MYOF: variants seen among roughly 807,000 people sequenced by gnomAD.
The protein encoded by MYOF is myoferlin.
Under a neutral mutation model 284.2 loss-of-function variants are expected in MYOF, and 244 were observed. That is an observed-to-expected ratio of 0.86 (90% CI 0.77 to 0.95). MYOF has a LOEUF of 0.95. Among genes scored for constraint, MYOF ranks in the 40% least tolerant of loss-of-function variants. The pLI is 0.00. For missense variants in MYOF, 2,496 were observed against 2,560.6 expected (o/e 0.97, Z 0.54); for synonymous variants, 904 against 919.7 (o/e 0.98, Z 0.31).
chr10:93,455,043 C>A (rs1213157486), intron 2 of MYOF, among the ~76,000 whole-genome samples: 6 of 142,130 alleles, frequency 4.2e-5, no homozygotes, highest in African/African-American at 1.6e-4. Context: ...TGCGTGTAAT[C>A]CCAGGACTTT....
At chr10:93,381,632 A>G (rs1053913203) in intron 19 of MYOF, among the ~76,000 whole-genome samples, 2 of 152,236 alleles carry the variant, frequency 1.3e-5, no homozygotes, top group African/African-American at 2.4e-5. Context: ...AAAACAGTAC[A>G]CAAGTCTTTC....
chr10:93,417,524 C>G (rs1051347991), intron 5 of MYOF, among the ~76,000 whole-genome samples: 4 of 152,120 alleles, frequency 2.6e-5, no homozygotes, highest in African/African-American at 4.8e-5. Context: ...GCATCCCCAA[C>G]TGTGCCTTTC....
chr10:93,400,617 T>C (rs1847239733), intron 12 of MYOF, among the ~76,000 whole-genome samples: 1 of 151,856 alleles, frequency 6.6e-6, no homozygotes. Flanking sequence ...TGCAGCCTCC[T>C]GGGGACTTGG....
intron 50 of MYOF, 149 bp from the exon 51 acceptor site, chr10:93,313,359 T>G (rs117442233): frequency 2.9e-6 from 2 of 678,004 alleles, no homozygotes; most frequent in South Asian, 6.2e-5. Flanking sequence ...CTGGTGGACA[T>G]TTAAAGTCTT....
chr10:93,350,742 C>T (rs542934634), intron 35 of MYOF, among the ~76,000 whole-genome samples: 30 of 152,252 alleles, frequency 2.0e-4, no homozygotes, highest in South Asian at 6.2e-4. Context: ...CTTGACTGGA[C>T]GGGGAAAGTC....
At chr10:93,326,227 T>C (rs944931089) in intron 45 of MYOF, among the ~76,000 whole-genome samples, 4 of 152,236 alleles carry the variant, frequency 2.6e-5, no homozygotes, top group Non-Finnish European at 1.5e-5. Context: ...GGGAGCGTTA[T>C]ATATTTACTT....
chr10:93,373,011 G>A lies in MYOF; in HGVS notation c.2376C>T (p.Pro792=), dbSNP rs371315608. 2.2e-5 allele frequency: 36 copies of A among 1,614,124 alleles called. No individual in the cohort carries two copies. Among genetic ancestry groups the A allele is most frequent in the South Asian group, 6.6e-5 (6 of 91,080 alleles). The change falls in exon 24 of 54, where the codon CCC becomes CCT. Residue 792 remains proline, a synonymous_variant. Coordinates refer to ENST00000359263, the MANE Select transcript of MYOF (RefSeq NM_013451.4). ...GEKRLAYARI[P]AHQVLYSTSG... is the part of the protein sequence containing the mutation. ...TGGTGGAGTACAAGACCTGATGTGC[G>A]GGAATTCGTGCATAGGCCAGTCTCT...
chr10:93,354,284 A>G (rs1432583555), intron 31 of MYOF, among the ~76,000 whole-genome samples: 2 of 152,176 alleles, frequency 1.3e-5, no homozygotes. Flanking sequence ...AGGCTGAGGC[A>G]CGAGAATCAC....
At chr10:93,307,618 C>G (rs1842175813) in intron 53 of MYOF, among the ~76,000 whole-genome samples, 1 of 147,590 alleles carries the variant, frequency 6.8e-6, no homozygotes, top group African/African-American at 2.5e-5. Flanking sequence ...TGGTTTAAAC[C>G]AATAGAATTT....
rs1242609040 is a variant in MYOF at position 93,482,136 on chromosome 10, G to C, written c.59C>G (p.Pro20Arg). The C allele has an allele frequency of 6.2e-7, 1 of 1,613,952 alleles. No individual in the cohort carries two copies. Among genetic ancestry groups the C allele is most frequent in the African/African-American group, 1.3e-5 (1 of 74,928 alleles). The change falls in exon 1 of 54, where the codon CCG becomes CGG. Residue 20 changes from proline (P) to arginine (R), a missense_variant. Around this residue, in one of 3 missense-constraint regions of MYOF, gnomAD observed 57 missense variants for 62.4 expected, o/e 0.91. Transcript: ENST00000359263. The part of the protein sequence containing the change: ...SNIPKTKFGK[P>R]DPIVSVIFKD... ...AAAAATGACAGAAACAATAGGATCC[G>C]GCTTGCCAAATTTCGTTTTAGGGAT...
At chr10:93,401,169 C>A (rs539088799) in intron 12 of MYOF, among the ~76,000 whole-genome samples, 34 of 152,170 alleles carry the variant, frequency 2.2e-4, no homozygotes, top group African/African-American at 8.0e-4. Flanking sequence ...TATAGAATAG[C>A]AAGAGAGAGA....
At chr10:93,431,331 C>A (rs1160128141) in intron 4 of MYOF, 77 bp downstream of exon 4, 1 of 1,294,414 alleles carries the variant, frequency 7.7e-7, no homozygotes, top group Non-Finnish European at 1.1e-6. Flanking sequence ...CCACGCCCGG[C>A]CTTAGACCTT....
At chr10:93,330,143 A>G (rs144642445) in intron 43 of MYOF, among the ~76,000 whole-genome samples, 113 of 152,352 alleles carry the variant, frequency 7.4e-4, no homozygotes, top group African/African-American at 2.7e-3. Context: ...AAGTTTTCTC[A>G]TCTGTAAAGT....
At chr10:93,381,187 C>T (rs745381524) in intron 20 of MYOF, 32 bp downstream of exon 20, 33 of 1,610,776 alleles carry the variant, frequency 2.0e-5, no homozygotes, top group Middle Eastern at 3.4e-4. Flanking sequence ...CCATTGTAAA[C>T]GTGTGGAGAG....
intron 48 of MYOF, 125 bp from the exon 49 acceptor site, chr10:93,320,138 G>A (rs989934078): frequency 8.8e-7 from 1 of 1,135,924 alleles, no homozygotes; most frequent in Non-Finnish European, 1.3e-6. Flanking sequence ...GCAGATTCCA[G>A]TTATCTTCGG....
intron 52 of MYOF, 75 bp downstream of exon 52, chr10:93,310,459 C>T: frequency 1.4e-6 from 2 of 1,435,154 alleles, no homozygotes; most frequent in Non-Finnish European, 1.9e-6. Context: ...CTAATCCATC[C>T]CATTAAGCCA....
In MYOF at chr10:93,351,546, C is replaced by T. The variant is rs2133888750; in HGVS notation, c.3689G>A (p.Ser1230Asn). The change falls in exon 34 of 54, where the codon AGC becomes AAC. Residue 1230 changes from serine to asparagine, a missense_variant. Ser to Asn is a conservative substitution (Grantham distance 46). Around this residue, in one of 3 missense-constraint regions of MYOF, gnomAD observed 2,436 missense variants for 2,480.7 expected, o/e 0.98. Transcript: ENST00000359263. ...CAGTTTCACCACAGGAGAGAAAATG[C>T]TTCGTCCTAAAAATTCATCTTTGCC... ...QVGKDEFLGR[S>N]IFSPVVKLNS... 1 of 1,614,100 alleles carries T rather than the reference C, an allele frequency of 6.2e-7. No homozygotes were observed. Among genetic ancestry groups the T allele is most frequent in the African/African-American group, 1.3e-5 (1 of 75,040 alleles).
Position 93,347,713 on chromosome 10 carries a change from G to C in MYOF, c.4153C>G (p.Arg1385Gly), listed in dbSNP as rs1195892928. 1.9e-6 allele frequency: 3 copies of C among 1,614,070 alleles called. No homozygotes were observed. The highest frequency in any genetic ancestry group is 2.5e-6 in the Non-Finnish European group (3 of 1,180,000). The stretch of plus-strand genomic sequence containing the variant: ...GTGCACTGGCCGACGACAGGCTTCC[G>C]CCCAAACTGCCTGTGGTCGATGACC... Reference protein sequence around the residue: ...IKVIDHRQFGRKPVVGQCTIE... With the variant: ...IKVIDHRQFGGKPVVGQCTIE... Residue 1385 changes from arginine (R) to glycine (G), a missense_variant, in exon 37 of 54, where the codon CGG becomes GGG. Coordinates refer to ENST00000359263, the MANE Select transcript of MYOF (RefSeq NM_013451.4).
chr10:93,404,069 T>C lies in MYOF; in HGVS notation c.797A>G (p.Tyr266Cys). The change falls in exon 9 of 54, where the codon TAT becomes TGT. Residue 266 changes from tyrosine (Y) to cysteine (C), a missense_variant. By Grantham distance (194) the Tyr-to-Cys change is radical (BLOSUM62 -2). This residue lies in a region of MYOF where 2,436 missense variants were observed against 2,480.7 expected (regional missense o/e 0.98). Transcript: ENST00000359263. Reference sequence around the variant, plus strand: ...ATCTGCCCGCAGAGAGTGAGAATTATAAACCTGGAAGAAAGAAGAGTAGTG... The same window carrying C: ...ATCTGCCCGCAGAGAGTGAGAATTACAAACCTGGAAGAAAGAAGAGTAGTG... ...LMDEIISIRV[Y>C]NSHSLRADCL... 1.2e-6 allele frequency: 2 copies of C among 1,614,140 alleles called. No individual in the cohort carries two copies. The highest frequency in any genetic ancestry group is 1.7e-6 in the Non-Finnish European group (2 of 1,180,004).
Sources: allele counts gnomAD v4.1 joint callset (sites outside exome capture counted in the v4.1 genomes callset), GRCh38; gene constraint gnomAD v4.1.1; regional missense constraint gnomAD v4.1.1; transcripts MANE v1.5; gene names NCBI Gene and HGNC (gene_info 2026-07-23, HGNC 2026-07-21).